The following EIF3E variants were observed in gnomAD, a reference collection of about 807,000 sequenced individuals.
EIF3E encodes eIF-3 p48.
EIF3E carries 25 observed loss-of-function variants against 59.3 expected under a neutral mutation model. That is an observed-to-expected ratio of 0.42 (90% CI 0.31 to 0.59). The LOEUF is 0.59. Ranked by LOEUF, EIF3E falls within the 20% of genes least tolerant of loss-of-function variation. The pLI is 0.15. For missense variants in EIF3E, 317 were observed against 534.3 expected, an observed-to-expected ratio of 0.59 and a Z score of 4.01; for synonymous variants, 176 against 170.2, an observed-to-expected ratio of 1.03 and a Z score of -0.26.
intron 3 of EIF3E, among the ~76,000 whole-genome samples, chr8:108,237,275 G>A (rs182298045): frequency 2.6e-5 from 4 of 152,206 alleles, no homozygotes; most frequent in East Asian, 1.9e-4. Flanking sequence ...TTTTTGAGAC[G>A]GAGTCTCACT....
rs755542322 is a variant in EIF3E, at chr8:108,203,389, C to T, written c.1164+12G>A. The T allele has an allele frequency of 8.7e-6, 14 of 1,605,410 alleles. No homozygotes were observed. Among genetic ancestry groups the T allele is most frequent in the Middle Eastern group, 1.9e-4 (1 of 5,152 alleles). ...AACTGATAGTATGTAGCATAGCTAA[C>T]ATAATACTCACTAATTTAGAATCAA... On this transcript the variant is annotated intron_variant, in intron 11 of 12. Coordinates refer to ENST00000220849, the MANE Select transcript of EIF3E (RefSeq NM_001568.3).
intron 10 of EIF3E, 128 bp downstream of exon 10, chr8:108,214,479 G>C: frequency 1.4e-6 from 1 of 721,164 alleles, no homozygotes. Context: ...TTGTTTCATT[G>C]TTCTTCTGAA....
At chr8:108,228,149 G>GAA (rs979189064) in intron 7 of EIF3E, 118 bp downstream of exon 7, 1,241 of 950,736 alleles carry the variant, frequency 1.3e-3, no homozygotes, top group South Asian at 2.1e-3. Flanking sequence ...ACTACATGAA[G>GAA]AAAAAAAAAA....
intron 1 of EIF3E, among the ~76,000 whole-genome samples, chr8:108,244,935 A>G (rs150627006): frequency 6.6e-6 from 1 of 151,904 alleles, no homozygotes; most frequent in Non-Finnish European, 1.5e-5. Flanking sequence ...CTACCCCTAA[A>G]TATGTCTATA....
chr8:108,215,890 AAAC>A (rs1486263686), intron 9 of EIF3E, among the ~76,000 whole-genome samples: 1 of 152,190 alleles, frequency 6.6e-6, no homozygotes, highest in Non-Finnish European at 1.5e-5. Flanking sequence ...AATTTCTACT[AAAC>A]AATAAGAGAC....
intron 9 of EIF3E, among the ~76,000 whole-genome samples, chr8:108,215,171 C>G (rs1485592269): frequency 6.6e-6 from 1 of 151,564 alleles, no homozygotes; most frequent in Non-Finnish European, 1.5e-5. Flanking sequence ...AGAACAGCAA[C>G]CAAGTACCCT....
intron 10 of EIF3E, among the ~76,000 whole-genome samples, chr8:108,204,443 G>A (rs1815052778): frequency 6.6e-6 from 1 of 151,984 alleles, no homozygotes; most frequent in Non-Finnish European, 1.5e-5. Flanking sequence ...GTGAAGTAAT[G>A]CAGGAGTGGA....
At chr8:108,226,203 T>G (rs951551004) in intron 7 of EIF3E, 1 of 151,096 alleles carries the variant, frequency 6.6e-6, no homozygotes, top group Admixed American at 6.6e-5. Context: ...TTTTTTTTTT[T>G]TTTTTTTGAG....
chr8:108,217,229 T>C (rs1294542289), intron 8 of EIF3E, 105 bp downstream of exon 8: 1 of 916,192 alleles, frequency 1.1e-6, no homozygotes, highest in African/African-American at 1.7e-5. Flanking sequence ...CCACCTATTT[T>C]TAAAAACGTT....
At chr8:108,233,026 C>T (rs1327713745) in intron 5 of EIF3E, among the ~76,000 whole-genome samples, 2 of 152,166 alleles carry the variant, frequency 1.3e-5, no homozygotes, top group Non-Finnish European at 2.9e-5. Flanking sequence ...AAGCTGTTTA[C>T]ATTTCCAAAG....
chr8:108,211,516 C>T (rs1489239392), intron 10 of EIF3E, among the ~76,000 whole-genome samples: 2 of 151,998 alleles, frequency 1.3e-5, no homozygotes, highest in Non-Finnish European at 2.9e-5. Flanking sequence ...TGGGTAGATG[C>T]TAAAAATTTT....
intron 1 of EIF3E, among the ~76,000 whole-genome samples, chr8:108,245,618 T>C (rs951134208): frequency 6.6e-6 from 1 of 152,232 alleles, no homozygotes; most frequent in Non-Finnish European, 1.5e-5. Context: ...TAAAAGAATC[T>C]GCTCTGACTG....
chr8:108,242,107 CT>C (rs1815849409), intron 1 of EIF3E, 194 bp from the exon 2 acceptor site: 8 of 1,455,296 alleles, frequency 5.5e-6, no homozygotes, highest in Non-Finnish European at 7.3e-6. Flanking sequence ...AAGTATTTTA[CT>C]TACCTAAAAA....
At chr8:108,209,845 A>C (rs1314726849) in intron 10 of EIF3E, among the ~76,000 whole-genome samples, 1 of 152,178 alleles carries the variant, frequency 6.6e-6, no homozygotes, top group Admixed American at 6.5e-5. Context: ...GGGTACCACT[A>C]TAAAAGAGCA....
intron 2 of EIF3E, among the ~76,000 whole-genome samples, chr8:108,240,973 C>T (rs556183585): frequency 0.011 from 1,260 of 112,064 alleles, 12 homozygotes; most frequent in Non-Finnish European, 0.018. Flanking sequence ...CAGCGAGACT[C>T]CATCTCAAAA....
At chr8:108,223,454 T>C (rs560468407) in intron 7 of EIF3E, among the ~76,000 whole-genome samples, 6 of 152,126 alleles carry the variant, frequency 3.9e-5, no homozygotes, top group Admixed American at 2.6e-4. Context: ...ATAAGGAAAA[T>C]AACAGCAGGA....
intron 1 of EIF3E, among the ~76,000 whole-genome samples, chr8:108,248,389 C>T (rs1013625383): frequency 6.6e-6 from 1 of 152,156 alleles, no homozygotes. Context: ...GTGAAAGAGA[C>T]TTCTTTTCTC....
intron 3 of EIF3E, among the ~76,000 whole-genome samples, chr8:108,238,942 C>A (rs574532223): frequency 1.1e-3 from 172 of 152,272 alleles, no homozygotes; most frequent in African/African-American, 3.4e-3. Context: ...CCACCCGTGA[C>A]ATGTACTACG....
intron 3 of EIF3E, among the ~76,000 whole-genome samples, chr8:108,239,349 C>T (rs1815794263): frequency 6.6e-6 from 1 of 152,240 alleles, no homozygotes; most frequent in Non-Finnish European, 1.5e-5. Context: ...CACCACCACA[C>T]CTGGCTAACT....
Sources: allele counts gnomAD v4.1 joint callset (sites outside exome capture counted in the v4.1 genomes callset), GRCh38; gene constraint gnomAD v4.1.1; transcripts MANE v1.5; gene names NCBI Gene and HGNC (gene_info 2026-07-23, HGNC 2026-07-21).